The following ZBTB20 variants were observed in gnomAD, a reference collection of about 807,000 sequenced individuals.
The protein encoded by ZBTB20 is zinc finger and BTB domain-containing protein 20.
A neutral mutation model predicts 56.9 loss-of-function variants in ZBTB20; 9 were observed. That is an observed-to-expected ratio of 0.16 (90% CI 0.10 to 0.28). The LOEUF is 0.28. ZBTB20 is among the 10% of genes least tolerant of loss of function. ZBTB20 has a pLI of 1.00. For synonymous variants in ZBTB20, 417 were observed against 420.7 expected (o/e 0.99, Z 0.11); for missense variants, 655 against 1,003.0 (o/e 0.65, Z 4.69).
At chr3:114,971,830 T>C (rs896018739) in intron 3 of ZBTB20, among the ~76,000 whole-genome samples, 4 of 152,228 alleles carry the variant, frequency 2.6e-5, no homozygotes, top group Non-Finnish European at 4.4e-5. Flanking sequence ...CTATTATTTA[T>C]GGCAGGTATG....
At chr3:115,035,201 C>A (rs535026817) in intron 2 of ZBTB20, among the ~76,000 whole-genome samples, 1 of 151,926 alleles carries the variant, frequency 6.6e-6, no homozygotes, top group African/African-American at 2.4e-5. Flanking sequence ...GCAATGACAA[C>A]AAAAAAGACA....
At chr3:114,889,802 T>A (rs564714691) in intron 4 of ZBTB20, among the ~76,000 whole-genome samples, 1 of 152,068 alleles carries the variant, frequency 6.6e-6, no homozygotes, top group African/African-American at 2.4e-5. Flanking sequence ...AATGCTCTAC[T>A]CAAGGTGTAG....
At chr3:114,571,110 A>C (rs2053383514) in intron 6 of ZBTB20, among the ~76,000 whole-genome samples, 1 of 152,196 alleles carries the variant, frequency 6.6e-6, no homozygotes, top group Non-Finnish European at 1.5e-5. Flanking sequence ...TTTCAAAATG[A>C]TGTCAAAATC....
rs1445586999 is a variant in ZBTB20 at position 115,121,042 on chromosome 3, T to G, written c.-703+26177A>C. 2.0e-5 allele frequency among the ~76,000 whole-genome samples: 3 copies of G among 152,020 alleles called. No homozygotes were observed. In the South Asian group the frequency reaches 6.2e-4, roughly 32 times the overall value. ...CTATTTGGTAGTTTCAGGCCTGAAC[T>G]TTTGTCATTAAGGTAATAATTCAAA... On this transcript the variant is annotated intron_variant, in intron 1 of 11. Coordinates refer to ENST00000675478, the MANE Select transcript of ZBTB20 (RefSeq NM_001348800.3).
intron 1 of ZBTB20, among the ~76,000 whole-genome samples, chr3:115,111,983 C>A (rs2083894319): frequency 6.6e-6 from 1 of 152,134 alleles, no homozygotes; most frequent in African/African-American, 2.4e-5. Context: ...CCCCTACTCT[C>A]AAGAAATTGA....
At chr3:114,787,366 T>TACACACACACAC (rs1553821499) in intron 5 of ZBTB20, among the ~76,000 whole-genome samples, 58 of 82,888 alleles carry the variant, frequency 7.0e-4, no homozygotes, top group African/African-American at 2.8e-3. Context: ...TATATATATA[T>TACACACACACAC]ATACACACAC....
intron 1 of ZBTB20, among the ~76,000 whole-genome samples, chr3:115,086,496 T>A (rs2082989626): frequency 6.6e-6 from 1 of 151,738 alleles, no homozygotes. Flanking sequence ...TGACTCTTAA[T>A]AATATATAAA....
At chr3:114,804,076 C>T (rs2071917042) in intron 4 of ZBTB20, among the ~76,000 whole-genome samples, 2 of 151,960 alleles carry the variant, frequency 1.3e-5, no homozygotes, top group Non-Finnish European at 1.5e-5. Flanking sequence ...CGGAAGAATG[C>T]TTCTCTGGCA....
chr3:114,696,663 C>A (rs1434600596), intron 5 of ZBTB20, among the ~76,000 whole-genome samples: 2 of 152,006 alleles, frequency 1.3e-5, no homozygotes, highest in Non-Finnish European at 2.9e-5. Context: ...TTAAGCAAAA[C>A]CAAATATTAC....
At chr3:114,831,463 C>A (rs1213982518) in intron 4 of ZBTB20, among the ~76,000 whole-genome samples, 1 of 151,830 alleles carries the variant, frequency 6.6e-6, no homozygotes, top group East Asian at 1.9e-4. Flanking sequence ...AAAAGAGGGG[C>A]AATATTAAGC....
intron 2 of ZBTB20, among the ~76,000 whole-genome samples, chr3:115,006,644 A>T (rs562452308): frequency 6.6e-6 from 1 of 151,768 alleles, no homozygotes; most frequent in Admixed American, 6.6e-5. Context: ...TAACCGTAGC[A>T]AAATGGAGCT....
At chr3:114,416,433 T>C (rs2088570264) in intron 7 of ZBTB20, among the ~76,000 whole-genome samples, 2 of 151,986 alleles carry the variant, frequency 1.3e-5, no homozygotes, top group South Asian at 4.1e-4. Context: ...TCTCTGACAT[T>C]TTCAATTTGC....
intron 1 of ZBTB20, among the ~76,000 whole-genome samples, chr3:115,146,982 G>GGGGGCGCGGGC (rs2085011578): frequency 6.7e-6 from 1 of 150,112 alleles, no homozygotes; most frequent in South Asian, 2.1e-4. Flanking sequence ...CGCCGGGGGA[G>GGGGGCGCGGGC]GGGGCGCGGG....
intron 2 of ZBTB20, among the ~76,000 whole-genome samples, chr3:114,990,294 TGA>T (rs1158098960): frequency 6.6e-6 from 1 of 152,200 alleles, no homozygotes; most frequent in East Asian, 1.9e-4. Context: ...CCTAATTTAT[TGA>T]GAGTTTTTAG....
At chr3:115,097,892 C>T (rs1224597127) in intron 1 of ZBTB20, among the ~76,000 whole-genome samples, 1 of 152,126 alleles carries the variant, frequency 6.6e-6, no homozygotes, top group Admixed American at 6.6e-5. Context: ...GTGACAGTCC[C>T]TCCCAGAAAA....
At chr3:114,944,013 A>G (rs2076807312) in intron 3 of ZBTB20, among the ~76,000 whole-genome samples, 3 of 145,738 alleles carry the variant, frequency 2.1e-5, no homozygotes, top group Admixed American at 2.0e-4. Flanking sequence ...TTACTTTGTA[A>G]GGATTAGTAA....
At chr3:114,962,800 A>G (rs2077504020) in intron 3 of ZBTB20, among the ~76,000 whole-genome samples, 1 of 152,078 alleles carries the variant, frequency 6.6e-6, no homozygotes, top group African/African-American at 2.4e-5. Flanking sequence ...ATGACTGAGA[A>G]AAAAAGGGAA....
chr3:114,471,373 T>A (rs1559835172), intron 7 of ZBTB20, among the ~76,000 whole-genome samples: 1 of 152,192 alleles, frequency 6.6e-6, no homozygotes, highest in Non-Finnish European at 1.5e-5. Flanking sequence ...GCTTTGCTTT[T>A]TGTACTTTGC....
intron 7 of ZBTB20, among the ~76,000 whole-genome samples, chr3:114,411,437 G>A (rs1017330944): frequency 2.0e-5 from 3 of 152,180 alleles, no homozygotes; most frequent in South Asian, 2.1e-4. Flanking sequence ...AAGTGTCCTT[G>A]TTGAAAGTTT....
Sources: gnomAD v4.1 joint callset for allele counts (sites outside exome capture counted in the v4.1 genomes callset) on GRCh38, gnomAD v4.1.1 for gene constraint, MANE v1.5 for transcripts, NCBI Gene and HGNC (gene_info 2026-07-23, HGNC 2026-07-21) for gene names.